Variants in SCN8A observed in about 807,000 individuals in gnomAD.
SCN8A encodes the protein sodium voltage-gated channel alpha subunit 8.
A neutral mutation model predicts 184.1 loss-of-function variants in SCN8A; 30 were observed. The ratio of observed to expected loss-of-function variants is 0.16; its 90% CI spans 0.12 to 0.22. The LOEUF (loss-of-function observed/expected upper bound fraction) is 0.22. SCN8A is among the 10% of genes least tolerant of loss of function. SCN8A has a pLI of 1.00. For synonymous variants in SCN8A, 852 were observed against 907.0 expected (o/e 0.94, Z 1.09); for missense variants, 1,057 against 2,498.9 (o/e 0.42, Z 12.30).
At chr12:51,692,100 ATTG>A (rs748731963) in intron 6 of SCN8A, among the ~76,000 whole-genome samples, 55 of 152,288 alleles carry the variant, frequency 3.6e-4, no homozygotes, top group South Asian at 2.1e-3. Context: ...CTTCAGTGGA[ATTG>A]TTGTTCTCTT....
Position 51,768,952 on chromosome 12 carries a change from C to T in SCN8A, c.2989C>T (p.Leu997Phe). 1 of 1,611,748 alleles carries T rather than the reference C, an allele frequency of 6.2e-7. No individual in the cohort carries two copies. Among genetic ancestry groups the T allele is most frequent in the Non-Finnish European group, 8.5e-7 (1 of 1,177,954 alleles). Residue 997 changes from leucine to phenylalanine, a missense_variant, in exon 17 of 27, where the codon CTC becomes TTC. Around this residue, in one of 19 missense-constraint regions of SCN8A, gnomAD observed 178 missense variants for 259.6 expected, o/e 0.69. Coordinates refer to ENST00000627620, the MANE Select transcript of SCN8A (RefSeq NM_001330260.2). Reference sequence around the variant, plus strand: ...AGATGACGATGGGGAAATGAACAACCTCCAGATCTCAGTGATCCGTATCAA... The same window carrying T: ...AGATGACGATGGGGAAATGAACAACTTCCAGATCTCAGTGATCCGTATCAA... ...ATDDDGEMNNLQISVIRIKKG... is the reference protein window; with the variant it reads ...ATDDDGEMNNFQISVIRIKKG...
chr12:51,746,629 C>T (rs931813403), intron 13 of SCN8A, among the ~76,000 whole-genome samples: 6 of 152,094 alleles, frequency 3.9e-5, no homozygotes, highest in South Asian at 2.1e-4. Flanking sequence ...AAAGAGCAAC[C>T]GCTGTTGAAT....
chr12:51,715,461 T>A (rs745510689), intron 11 of SCN8A, among the ~76,000 whole-genome samples: 1 of 151,988 alleles, frequency 6.6e-6, no homozygotes, highest in Non-Finnish European at 1.5e-5. Context: ...ACACAATAGG[T>A]ATTTGGTTAA....
intron 26 of SCN8A, among the ~76,000 whole-genome samples, chr12:51,795,891 A>AG (rs1401470859): frequency 6.6e-6 from 1 of 151,830 alleles, no homozygotes; most frequent in Non-Finnish European, 1.5e-5. Context: ...AAAAAAAAAA[A>AG]AAAAAATGAG....
At chr12:51,781,781 C>G (rs1169816308) in intron 21 of SCN8A, among the ~76,000 whole-genome samples, 2 of 152,198 alleles carry the variant, frequency 1.3e-5, no homozygotes, top group African/African-American at 4.8e-5. Flanking sequence ...ACCAAGAAAA[C>G]TCGCTTCAAT....
intron 1 of SCN8A, among the ~76,000 whole-genome samples, chr12:51,614,799 T>TA (rs1555208383): frequency 4.0e-5 from 6 of 151,492 alleles, no homozygotes; most frequent in South Asian, 2.1e-4. Context: ...TTTTTTTTTT[T>TA]AAATCCATTC....
chr12:51,684,223 C>A lies in SCN8A; in HGVS notation c.326C>A (p.Thr109Lys). Residue 109 changes from threonine to lysine, a missense_variant, in exon 3 of 27, where the codon ACG becomes AAG. Transcript: ENST00000627620. ...AAAACTCTCTTCAGATTTAGTGCCA[C>A]GCCTGCCTTGTACATTTTAAGTCCT... Reference protein sequence around the residue: ...RGKTLFRFSATPALYILSPFN... With the variant: ...RGKTLFRFSAKPALYILSPFN... 6.2e-7 allele frequency: 1 copy of A among 1,608,852 alleles called. No homozygotes were observed. Among genetic ancestry groups the A allele is most frequent in the Non-Finnish European group, 8.5e-7 (1 of 1,175,206 alleles).
intron 11 of SCN8A, among the ~76,000 whole-genome samples, chr12:51,710,696 A>T (rs1941860322): frequency 6.6e-6 from 1 of 152,200 alleles, no homozygotes; most frequent in Non-Finnish European, 1.5e-5. Context: ...AAAAATTAAA[A>T]TTAAATAAAA....
At chr12:51,623,932 A>G (rs1940020436) in intron 1 of SCN8A, among the ~76,000 whole-genome samples, 1 of 152,152 alleles carries the variant, frequency 6.6e-6, no homozygotes, top group Non-Finnish European at 1.5e-5. Flanking sequence ...TGTCCCTACA[A>G]AGGACATGAA....
chr12:51,613,873 T>C (rs1939775584), intron 1 of SCN8A, among the ~76,000 whole-genome samples: 1 of 152,152 alleles, frequency 6.6e-6, no homozygotes, highest in African/African-American at 2.4e-5. Flanking sequence ...TGTCTTTGTT[T>C]TATTGATTTC....
chr12:51,727,579 A>G (rs1185563600), intron 12 of SCN8A, among the ~76,000 whole-genome samples: 1 of 152,172 alleles, frequency 6.6e-6, no homozygotes, highest in Non-Finnish European at 1.5e-5. Context: ...CGGAAGCCCA[A>G]GCAGAATTCT....
intron 1 of SCN8A, among the ~76,000 whole-genome samples, chr12:51,652,891 G>A (rs531177263): frequency 3.3e-5 from 5 of 152,300 alleles, no homozygotes; most frequent in East Asian, 1.9e-4. Flanking sequence ...AAGGTCCTTT[G>A]AAGGCAGGAG....
chr12:51,672,410 C>G (rs1941148862), intron 2 of SCN8A, among the ~76,000 whole-genome samples: 1 of 152,138 alleles, frequency 6.6e-6, no homozygotes, highest in South Asian at 2.1e-4. Flanking sequence ...TTCCCTGACT[C>G]TTATATCTCT....
intron 11 of SCN8A, chr12:51,712,639 AC>A (rs1430957297): frequency 1.3e-6 from 1 of 786,694 alleles, no homozygotes; most frequent in Non-Finnish European, 2.3e-6. Flanking sequence ...CATAGTTACC[AC>A]CGCCAAAATT....
At chr12:51,721,075 A>AT (rs1942045751) in intron 11 of SCN8A, among the ~76,000 whole-genome samples, 3 of 64,232 alleles carry the variant, frequency 4.7e-5, no homozygotes, top group African/African-American at 1.6e-4. Context: ...CTCAAAAAAA[A>AT]AAAAATTATA....
intron 1 of SCN8A, among the ~76,000 whole-genome samples, chr12:51,662,220 G>T (rs1403566555): frequency 6.6e-6 from 1 of 152,242 alleles, no homozygotes; most frequent in Non-Finnish European, 1.5e-5. Flanking sequence ...ACTTGAAATG[G>T]AAGAACTAAA....
At chr12:51,623,112 A>G (rs1208358012) in intron 1 of SCN8A, among the ~76,000 whole-genome samples, 2 of 151,900 alleles carry the variant, frequency 1.3e-5, no homozygotes, top group South Asian at 2.1e-4. Flanking sequence ...TTCATCTTGT[A>G]TTTTCCTTGC....
Position 51,728,090 on chromosome 12 carries a change from T to C in SCN8A, c.1998+6182T>C, listed in dbSNP as rs962289118. 4.6e-5 allele frequency among the ~76,000 whole-genome samples: 7 copies of C among 152,200 alleles called. No individual in the cohort carries two copies. In the South Asian group the frequency reaches 8.3e-4, roughly 18 times the overall value. The stretch of plus-strand genomic sequence containing the variant: ...TTAGATTTTCCTGGTAGTACAGATA[T>C]ATTGTTCTCTAGACACCATCTTAGC... On this transcript the variant is annotated intron_variant, in intron 12 of 26. Coordinates refer to ENST00000627620, the MANE Select transcript of SCN8A (RefSeq NM_001330260.2).
Position 51,702,763 on chromosome 12 carries a change from C to G in SCN8A, c.993-10C>G. The G allele has an allele frequency of 1.3e-6, 2 of 1,569,284 alleles. No individual in the cohort carries two copies. The highest frequency in any genetic ancestry group is 1.7e-6 in the Non-Finnish European group (2 of 1,156,354). ...GTTGAAAAGTCCTGAACTTCCCTTT[C>G]TTTCTTTAGGCAATGCCCAGAGGGA... On this transcript the variant is annotated splice_polypyrimidine_tract_variant and intron_variant, in intron 8 of 26. Transcript: ENST00000627620.
Sources: gnomAD v4.1 joint callset for allele counts (sites outside exome capture counted in the v4.1 genomes callset) on GRCh38, gnomAD v4.1.1 for gene constraint, gnomAD v4.1.1 regional missense constraint, MANE v1.5 for transcripts, NCBI Gene and HGNC (gene_info 2026-07-23, HGNC 2026-07-21) for gene names.